LPP: variants seen among roughly 807,000 people sequenced by gnomAD.
LPP encodes the protein lipoma-preferred partner.
In LPP, 38 loss-of-function variants were observed where a neutral mutation model predicts 60.4. The ratio of observed to expected loss-of-function variants is 0.63; its 90% CI spans 0.49 to 0.83. The LOEUF (loss-of-function observed/expected upper bound fraction) is 0.83, where lower values mean the gene tolerates loss of function less well. Among genes scored for constraint, LPP ranks in the 40% least tolerant of loss-of-function variants. The probability of loss-of-function intolerance (pLI) is 0.00; values close to 1 mark genes in which losing one functional copy is unlikely to be tolerated. For synonymous variants in LPP, 328 were observed against 290.8 expected (o/e 1.13, Z -1.30); for missense variants, 902 against 783.6 (o/e 1.15, Z -1.80).
In LPP at chr3:188,874,766, T is replaced by A. The variant is rs1769045778; in HGVS notation, c.*287T>A. On this transcript the variant is annotated 3_prime_UTR_variant, in exon 12 of 12. Transcript: ENST00000617246. ...ACTTCTGCATTCCTGTAACTTTTAA[T>A]CCCTATGTTTGTCTCACTTTTCATC... is the stretch of plus-strand genomic sequence containing the variant. 3.4e-6 allele frequency: 1 copy of A among 292,136 alleles called. No homozygotes were observed. The highest frequency in any genetic ancestry group is 4.8e-5 in the Admixed American group (1 of 20,820). 18.1% of individuals were successfully genotyped at this position (292,136 alleles called of 1,614,324 possible).
intron 6 of LPP, among the ~76,000 whole-genome samples, chr3:188,582,345 T>C (rs1194403142): frequency 1.3e-5 from 2 of 151,522 alleles, no homozygotes; most frequent in Non-Finnish European, 2.9e-5. Context: ...TTTTTTCTTT[T>C]TTCTGTTTTC....
intron 4 of LPP, among the ~76,000 whole-genome samples, chr3:188,412,507 T>C (rs1785152382): frequency 6.6e-6 from 1 of 152,170 alleles, no homozygotes; most frequent in Non-Finnish European, 1.5e-5. Context: ...TATTGTCATT[T>C]TGATGATTTG....
chr3:188,228,952 T>C (rs1216818969), intron 2 of LPP, among the ~76,000 whole-genome samples: 1 of 152,126 alleles, frequency 6.6e-6, no homozygotes, highest in African/African-American at 2.4e-5. Flanking sequence ...ATCTTGAATA[T>C]AAAGAAAAAG....
chr3:188,420,666 A>G (rs565598837), intron 4 of LPP, among the ~76,000 whole-genome samples: 1 of 152,244 alleles, frequency 6.6e-6, no homozygotes, highest in African/African-American at 2.4e-5. Context: ...AGAGATTCTT[A>G]ACTTACCCAT....
At chr3:188,210,726 T>C (rs1734466870) in intron 1 of LPP, among the ~76,000 whole-genome samples, 1 of 152,244 alleles carries the variant, frequency 6.6e-6, no homozygotes, top group South Asian at 2.1e-4. Flanking sequence ...CCTTGGTCTT[T>C]GGTTTTTAAA....
At chr3:188,172,047 G>T (rs1405408067) in intron 1 of LPP, among the ~76,000 whole-genome samples, 1 of 152,218 alleles carries the variant, frequency 6.6e-6, no homozygotes, top group Non-Finnish European at 1.5e-5. Flanking sequence ...CATGTGGAGA[G>T]GCCATTGGTA....
intron 2 of LPP, among the ~76,000 whole-genome samples, chr3:188,296,535 C>T (rs1182279314): frequency 6.6e-6 from 1 of 152,186 alleles, no homozygotes; most frequent in African/African-American, 2.4e-5. Flanking sequence ...CTGAATTTAG[C>T]CTCTGCCTTA....
intron 6 of LPP, among the ~76,000 whole-genome samples, chr3:188,529,785 CA>C (rs1231765470): frequency 1.3e-5 from 2 of 152,184 alleles, no homozygotes; most frequent in African/African-American, 4.8e-5. Context: ...TTAGTATCAA[CA>C]GGTCTTTCCT....
At position 188,524,885 on chromosome 3, in the gene LPP, TTCCTTCC is replaced by T. The variant is rs1560518545; in HGVS notation, c.429+99_429+105del. ...CACCTGAGAGCTTATTTCCCCTTCCTTCCTTCCGTCCGTCCTTCCTTCCTTCCTTCCT... is the reference window on the plus strand; with the variant it reads ...CACCTGAGAGCTTATTTCCCCTTCCTGTCCGTCCTTCCTTCCTTCCTTCCT... On this transcript the variant is annotated intron_variant, in intron 6 of 11. Transcript: ENST00000617246. 9.2e-4 allele frequency: 302 copies of T among 327,418 alleles called. 5 individuals carry two copies. The African/African-American group carries it at 0.01, about 11-fold the overall frequency. The allele number at this position is 327,418 out of a possible 1,614,324, so 20.3% of individuals were successfully genotyped here. A position where few individuals can be genotyped will look rare whatever the true frequency, so the allele number is the denominator to read the frequency against.
At chr3:188,489,547 CTT>C (rs1560470524) in intron 5 of LPP, among the ~76,000 whole-genome samples, 1 of 152,174 alleles carries the variant, frequency 6.6e-6, no homozygotes, top group South Asian at 2.1e-4. Flanking sequence ...GGAACCTACT[CTT>C]TGTTCTGAAA....
At chr3:188,278,795 A>G (rs1198959761) in intron 2 of LPP, among the ~76,000 whole-genome samples, 6 of 152,246 alleles carry the variant, frequency 3.9e-5, no homozygotes, top group Middle Eastern at 6.8e-3. Context: ...TGTCCTTTGC[A>G]TCTTCTGGTA....
intron 7 of LPP, among the ~76,000 whole-genome samples, chr3:188,624,665 C>T (rs2151617015): frequency 6.6e-6 from 1 of 151,870 alleles, no homozygotes; most frequent in East Asian, 2.0e-4. Flanking sequence ...TAGAAATATC[C>T]TTCCTTCCCC....
chr3:188,228,229 G>A lies in LPP; in HGVS notation c.-67+2702G>A, dbSNP rs139604459. On this transcript the variant is annotated intron_variant, in intron 2 of 11. Transcript: ENST00000617246. ...TCTGCTGCAAGATTCTGGGACACACGTGCTCATGGCCATCAAGAACATAGA... is the reference window on the plus strand; with the variant it reads ...TCTGCTGCAAGATTCTGGGACACACATGCTCATGGCCATCAAGAACATAGA... 9.8e-5 allele frequency among the ~76,000 whole-genome samples: 15 copies of A among 152,320 alleles called. No homozygotes were observed. In the East Asian group the frequency reaches 2.5e-3, roughly 25 times the overall value.
intron 8 of LPP, among the ~76,000 whole-genome samples, chr3:188,754,867 A>G (rs2150382088): frequency 6.6e-6 from 1 of 152,320 alleles, no homozygotes; most frequent in East Asian, 1.9e-4. Flanking sequence ...CATATAAAGA[A>G]TGCAAACTCA....
chr3:188,787,553 C>A (rs1257071928), intron 9 of LPP, among the ~76,000 whole-genome samples: 1 of 152,060 alleles, frequency 6.6e-6, no homozygotes, highest in Non-Finnish European at 1.5e-5. Flanking sequence ...CACCAGTGAC[C>A]TCTTTGATGT....
At chr3:188,583,180 GT>G (rs1836647251) in intron 6 of LPP, among the ~76,000 whole-genome samples, 1 of 152,068 alleles carries the variant, frequency 6.6e-6, no homozygotes, top group African/African-American at 2.4e-5. Context: ...ACCTTTTTTG[GT>G]TTGTTTTCCA....
intron 7 of LPP, among the ~76,000 whole-genome samples, chr3:188,642,648 G>C (rs761838282): frequency 6.6e-6 from 1 of 152,192 alleles, no homozygotes; most frequent in Non-Finnish European, 1.5e-5. Context: ...AAAGTAACCT[G>C]ATAATCGGTC....
At chr3:188,715,015 T>G (rs927239211) in intron 8 of LPP, among the ~76,000 whole-genome samples, 2 of 152,152 alleles carry the variant, frequency 1.3e-5, no homozygotes, top group Non-Finnish European at 2.9e-5. Context: ...GTGCTTGCAT[T>G]TTAGAGCAAA....
chr3:188,499,937 G>A lies in LPP; in HGVS notation c.306+15233G>A, dbSNP rs79862620. Among the ~76,000 whole-genome samples the A allele has an allele frequency of 7.6e-3, 1,151 of 152,174 alleles. 13 individuals are homozygous for A. The highest frequency in any genetic ancestry group is 0.026 in the African/African-American group (1,066 of 41,542). On this transcript the variant is annotated intron_variant, in intron 5 of 11. Coordinates refer to ENST00000617246, the MANE Select transcript of LPP (RefSeq NM_001375462.1). ...TTGTTCATTGTTGATACAAATGTAA[G>A]TGATTTTTGTGTAGTAACTTTATAT...
Sources: gnomAD v4.1 joint callset for allele counts (sites outside exome capture counted in the v4.1 genomes callset) on GRCh38, gnomAD v4.1.1 for gene constraint, MANE v1.5 for transcripts, NCBI Gene and HGNC (gene_info 2026-07-23, HGNC 2026-07-21) for gene names.